JARID2: variants seen among roughly 807,000 people sequenced by gnomAD.
JARID2 encodes jumonji and AT-rich interaction domain containing 2.
Under a neutral mutation model 125.6 loss-of-function variants are expected in JARID2, and 21 were observed. The observed-to-expected ratio is 0.17, with a 90% CI of 0.12 to 0.24. The LOEUF is 0.24. Ranked by LOEUF, JARID2 falls within the 10% of genes least tolerant of loss-of-function variation. The probability of loss-of-function intolerance (pLI) is 1.00; values close to 1 mark genes in which losing one functional copy is unlikely to be tolerated. For missense variants in JARID2, 1,303 were observed against 1,639.6 expected, an observed-to-expected ratio of 0.79 and a Z score of 3.55; for synonymous variants, 736 against 661.6, an observed-to-expected ratio of 1.11 and a Z score of -1.73.
At chr6:15,434,764 A>G (rs1346489593) in intron 3 of JARID2, among the ~76,000 whole-genome samples, 2 of 152,210 alleles carry the variant, frequency 1.3e-5, no homozygotes, top group African/African-American at 2.4e-5. Flanking sequence ...ATTTTCATCT[A>G]TAGGACAGTG....
intron 1 of JARID2, among the ~76,000 whole-genome samples, chr6:15,251,650 T>C (rs1759458421): frequency 6.6e-6 from 1 of 152,208 alleles, no homozygotes; most frequent in African/African-American, 2.4e-5. Flanking sequence ...GTTGGGCTTA[T>C]TATTGTAATT....
At chr6:15,261,888 A>T (rs1027164952) in intron 1 of JARID2, among the ~76,000 whole-genome samples, 1 of 146,662 alleles carries the variant, frequency 6.8e-6, no homozygotes, top group African/African-American at 2.5e-5. Flanking sequence ...GGTTCAAGCA[A>T]TTCTGCCTCA....
At chr6:15,255,722 G>A (rs1013602247) in intron 1 of JARID2, among the ~76,000 whole-genome samples, 20 of 152,174 alleles carry the variant, frequency 1.3e-4, no homozygotes, top group African/African-American at 4.6e-4. Context: ...AATGAGAAGG[G>A]ATTAGGGCTG....
At chr6:15,394,310 G>A (rs532904376) in intron 2 of JARID2, among the ~76,000 whole-genome samples, 1 of 152,268 alleles carries the variant, frequency 6.6e-6, no homozygotes, top group East Asian at 1.9e-4. Flanking sequence ...TGCAGCATTG[G>A]AGGGTTATTG....
At chr6:15,273,923 T>C (rs1327265795) in intron 1 of JARID2, among the ~76,000 whole-genome samples, 1 of 143,434 alleles carries the variant, frequency 7.0e-6, no homozygotes, top group African/African-American at 2.5e-5. Context: ...AAAAATTTTG[T>C]CTATATCTTT....
intron 2 of JARID2, among the ~76,000 whole-genome samples, chr6:15,385,861 C>T (rs1293309363): frequency 6.6e-6 from 1 of 152,046 alleles, no homozygotes; most frequent in African/African-American, 2.4e-5. Context: ...CCCCAGATGT[C>T]AGCTCATCTT....
intron 1 of JARID2, among the ~76,000 whole-genome samples, chr6:15,335,697 T>G (rs1291648596): frequency 6.6e-6 from 1 of 152,154 alleles, no homozygotes; most frequent in Non-Finnish European, 1.5e-5. Context: ...TGCTGGAGAC[T>G]CCCAGATTTT....
At chr6:15,380,103 T>A (rs1362547196) in intron 2 of JARID2, among the ~76,000 whole-genome samples, 3 of 151,710 alleles carry the variant, frequency 2.0e-5, no homozygotes, top group South Asian at 4.2e-4. Flanking sequence ...TGGCGCAATC[T>A]CTGCCCACTG....
At chr6:15,393,441 C>T (rs1225132753) in intron 2 of JARID2, among the ~76,000 whole-genome samples, 1 of 152,214 alleles carries the variant, frequency 6.6e-6, no homozygotes, top group East Asian at 1.9e-4. Flanking sequence ...GAGTAATTCT[C>T]TTGTGATTGA....
chr6:15,474,413 A>ATC (rs1769240796), intron 5 of JARID2, among the ~76,000 whole-genome samples: 1 of 150,862 alleles, frequency 6.6e-6, no homozygotes, highest in Non-Finnish European at 1.5e-5. Context: ...ATTTCTTAGG[A>ATC]ATGTCTTTGC....
chr6:15,520,461 A>G lies in JARID2; in HGVS notation c.*210A>G. On this transcript the variant is annotated 3_prime_UTR_variant, in exon 18 of 18. Transcript: ENST00000341776. ...CTAGATACTGCAGTCAGATTTTGGA[A>G]ACTGCCGTATAGTCACTGTTTTAAA... 1 of 458,360 alleles carries G rather than the reference A, an allele frequency of 2.2e-6. No homozygotes were observed. The highest frequency in any genetic ancestry group is 3.8e-6 in the Non-Finnish European group (1 of 261,872). 28.4% of individuals were successfully genotyped at this position (458,360 alleles called of 1,614,324 possible). A position where few individuals can be genotyped will look rare whatever the true frequency, so the allele number is the denominator to read the frequency against.
intron 4 of JARID2, among the ~76,000 whole-genome samples, chr6:15,454,303 A>G (rs1768054440): frequency 6.6e-6 from 1 of 152,094 alleles, no homozygotes; most frequent in Non-Finnish European, 1.5e-5. Flanking sequence ...TGGGGGGGAA[A>G]TTTTGACATT....
At chr6:15,332,171 G>C (rs966484863) in intron 1 of JARID2, among the ~76,000 whole-genome samples, 1 of 152,124 alleles carries the variant, frequency 6.6e-6, no homozygotes. Flanking sequence ...TTCCGACAAA[G>C]AATTAGAATT....
At chr6:15,271,977 G>T (rs1367740464) in intron 1 of JARID2, among the ~76,000 whole-genome samples, 1 of 152,350 alleles carries the variant, frequency 6.6e-6, no homozygotes, top group East Asian at 1.9e-4. Flanking sequence ...TCCAGCCTGG[G>T]CGGCAGAGCG....
chr6:15,495,376 T>C (rs895697804), intron 6 of JARID2, among the ~76,000 whole-genome samples: 5 of 152,088 alleles, frequency 3.3e-5, no homozygotes, highest in Admixed American at 1.3e-4. Flanking sequence ...TGGGAAAATA[T>C]AGGAAGCGCG....
intron 1 of JARID2, among the ~76,000 whole-genome samples, chr6:15,350,043 A>G (rs564020015): frequency 6.6e-6 from 1 of 152,252 alleles, no homozygotes; most frequent in South Asian, 2.1e-4. Context: ...TGGGCCCACC[A>G]TGTCCTGGAT....
chr6:15,324,755 C>G (rs1302843540), intron 1 of JARID2, among the ~76,000 whole-genome samples: 1 of 150,918 alleles, frequency 6.6e-6, no homozygotes, highest in Non-Finnish European at 1.5e-5. Context: ...TCTCACAGTG[C>G]TGGGATTGCA....
chr6:15,254,175 GAGTCATC>G (rs900004903), intron 1 of JARID2, among the ~76,000 whole-genome samples: 2 of 152,166 alleles, frequency 1.3e-5, no homozygotes, highest in African/African-American at 4.8e-5. Flanking sequence ...CTGTCTCTTT[GAGTCATC>G]ATTGGAAGAC....
At chr6:15,328,318 G>A (rs932544425) in intron 1 of JARID2, among the ~76,000 whole-genome samples, 1 of 152,148 alleles carries the variant, frequency 6.6e-6, no homozygotes, top group African/African-American at 2.4e-5. Context: ...CTGGGCACCC[G>A]CTGTGTACCA....
Sources: gnomAD v4.1 joint callset for allele counts (sites outside exome capture counted in the v4.1 genomes callset) on GRCh38, gnomAD v4.1.1 for gene constraint, MANE v1.5 for transcripts, NCBI Gene and HGNC (gene_info 2026-07-23, HGNC 2026-07-21) for gene names.